The following RORA variants were observed in gnomAD, a reference collection of about 807,000 sequenced individuals.
The protein encoded by RORA is RAR related orphan receptor A.
In RORA, 7 loss-of-function variants were observed where a neutral mutation model predicts 69.5. That is an observed-to-expected ratio of 0.10 (90% CI 0.06 to 0.19). The LOEUF (loss-of-function observed/expected upper bound fraction) is 0.19, where lower values mean the gene tolerates loss of function less well. RORA is among the 10% of genes least tolerant of loss of function. The pLI is 1.00. For missense variants in RORA, 457 were observed against 663.0 expected (o/e 0.69, Z 3.41); for synonymous variants, 261 against 240.8 (o/e 1.08, Z -0.78).
intron 1 of RORA, among the ~76,000 whole-genome samples, chr15:60,718,217 G>T (rs1236880024): frequency 2.0e-5 from 3 of 152,202 alleles, no homozygotes; most frequent in South Asian, 4.1e-4. Context: ...TCACTGGGCA[G>T]AGTTTTTATT....
rs116492594 is a variant in RORA at position 60,786,228 on chromosome 15, G to T, written c.167-107542C>A. Among the ~76,000 whole-genome samples the T allele has an allele frequency of 1.4e-3, 215 of 152,308 alleles. 1 individual carries two copies. Among genetic ancestry groups the T allele is most frequent in the African/African-American group, 5.0e-3 (208 of 41,558 alleles). ...GGATAGGATGTTCTACCTTGGACAA[G>T]CCACTAAATACATCTGTCCCTCCAT... On this transcript the variant is annotated intron_variant, in intron 1 of 10. Transcript: ENST00000335670.
intron 1 of RORA, among the ~76,000 whole-genome samples, chr15:61,013,888 A>G (rs1895183234): frequency 7.1e-6 from 1 of 141,746 alleles, no homozygotes; most frequent in African/African-American, 2.7e-5. Context: ...GGTTCACGCC[A>G]TTATCCTGCC....
chr15:60,886,971 C>G (rs1009816479), intron 1 of RORA, among the ~76,000 whole-genome samples: 6 of 152,192 alleles, frequency 3.9e-5, no homozygotes, highest in African/African-American at 1.4e-4. Flanking sequence ...AGAACAACAT[C>G]ATCTGTGACT....
rs1891207810 is a variant in RORA, at chr15:60,895,525, T to A, written c.167-216839A>T. Among the ~76,000 whole-genome samples the A allele has an allele frequency of 4.6e-5, 7 of 152,112 alleles. No individual in the cohort carries two copies. The South Asian group carries it at 1.5e-3, about 32-fold the overall frequency. On this transcript the variant is annotated intron_variant, in intron 1 of 10. Transcript: ENST00000335670. Reference sequence around the variant, plus strand: ...GTAAATGGGTTTTAGTATCGGAAAATCTTAGAAAATATACTTCTCCTGCCT... The same window carrying A: ...GTAAATGGGTTTTAGTATCGGAAAAACTTAGAAAATATACTTCTCCTGCCT...
At chr15:61,212,672 G>A (rs555367116) in intron 1 of RORA, among the ~76,000 whole-genome samples, 3 of 152,274 alleles carry the variant, frequency 2.0e-5, no homozygotes, top group East Asian at 1.9e-4. Flanking sequence ...GATTACAGGC[G>A]TGAGCCACCA....
intron 2 of RORA, among the ~76,000 whole-genome samples, chr15:60,587,000 C>A (rs2068354534): frequency 6.6e-6 from 1 of 152,160 alleles, no homozygotes; most frequent in Non-Finnish European, 1.5e-5. Flanking sequence ...ACAGCACTCA[C>A]AAGCACGAGA....
chr15:60,672,028 A>T (rs1647985), intron 2 of RORA, among the ~76,000 whole-genome samples: 28,231 of 152,114 alleles, frequency 0.19, 2,919 homozygotes, highest in African/African-American at 0.27. Context: ...TTGAGGCTGC[A>T]GTGAGCCACG....
intron 2 of RORA, among the ~76,000 whole-genome samples, chr15:60,631,242 T>C (rs2069730878): frequency 6.6e-6 from 1 of 152,192 alleles, no homozygotes; most frequent in African/African-American, 2.4e-5. Context: ...AAGCAGCCCA[T>C]CTGGGGCTAT....
rs906322084 is a variant in RORA, at chr15:61,131,733, C to T, written c.166+97320G>A. ...CAATTTGGTACAGTGGAAAAACATACTGAGCAGAAATTCCAACGTGGGCAG... is the reference window on the plus strand; with the variant it reads ...CAATTTGGTACAGTGGAAAAACATATTGAGCAGAAATTCCAACGTGGGCAG... On this transcript the variant is annotated intron_variant, in intron 1 of 10. Transcript: ENST00000335670. This position sits in a 1 kb window ranked among gnomAD's most constrained non-coding sequence, Gnocchi z 4.2. Among the ~76,000 whole-genome samples the T allele has an allele frequency of 3.3e-5, 5 of 152,200 alleles. No individual in the cohort carries two copies. Among genetic ancestry groups the T allele is most frequent in the Non-Finnish European group, 7.3e-5 (5 of 68,034 alleles).
At chr15:60,895,087 G>A (rs1891195421) in intron 1 of RORA, among the ~76,000 whole-genome samples, 2 of 152,160 alleles carry the variant, frequency 1.3e-5, no homozygotes, top group Admixed American at 1.3e-4. Context: ...ATGTCTTTAT[G>A]TAGAGAAAGT....
intron 1 of RORA, among the ~76,000 whole-genome samples, chr15:61,209,795 G>A (rs1239353540): frequency 6.6e-6 from 1 of 152,106 alleles, no homozygotes; most frequent in Non-Finnish European, 1.5e-5. Flanking sequence ...CTCGATCAGG[G>A]GTTATTCATG....
chr15:60,964,793 A>C (rs1893506019), intron 1 of RORA, among the ~76,000 whole-genome samples: 1 of 152,194 alleles, frequency 6.6e-6, no homozygotes, highest in Non-Finnish European at 1.5e-5. Flanking sequence ...AGAGCGCCAC[A>C]GTTGCTGATG....
At chr15:60,580,556 C>T (rs555346430) in intron 2 of RORA, among the ~76,000 whole-genome samples, 5 of 152,298 alleles carry the variant, frequency 3.3e-5, no homozygotes, top group African/African-American at 1.2e-4. Flanking sequence ...AGAGACCAAT[C>T]GCTCCTGTGA....
At chr15:60,949,936 G>A (rs889359460) in intron 1 of RORA, among the ~76,000 whole-genome samples, 12 of 152,142 alleles carry the variant, frequency 7.9e-5, no homozygotes, top group Admixed American at 6.5e-5. Flanking sequence ...ATCTTAAAGA[G>A]TCACTGGACA....
chr15:60,706,907 C>T (rs2071070321), intron 1 of RORA, among the ~76,000 whole-genome samples: 1 of 152,162 alleles, frequency 6.6e-6, no homozygotes, highest in South Asian at 2.1e-4. Context: ...AACTAGTTGC[C>T]TCTGATGTGA....
chr15:60,876,400 T>C (rs758843109), intron 1 of RORA, among the ~76,000 whole-genome samples: 3 of 151,016 alleles, frequency 2.0e-5, no homozygotes, highest in African/African-American at 7.3e-5. Flanking sequence ...ACTTGAGACA[T>C]CTGGGCCATA....
intron 1 of RORA, among the ~76,000 whole-genome samples, chr15:61,005,497 G>C (rs1254546687): frequency 6.6e-6 from 1 of 151,822 alleles, no homozygotes; most frequent in Non-Finnish European, 1.5e-5. Context: ...AAAAACAAAA[G>C]TTATGCTTAC....
intron 1 of RORA, among the ~76,000 whole-genome samples, chr15:61,200,509 T>C (rs938428554): frequency 6.6e-6 from 1 of 152,058 alleles, no homozygotes; most frequent in Non-Finnish European, 1.5e-5. Context: ...GACACCAAAA[T>C]AGAGGCCCTA....
intron 1 of RORA, among the ~76,000 whole-genome samples, chr15:61,110,010 T>C (rs1019589969): frequency 6.6e-6 from 1 of 151,590 alleles, no homozygotes; most frequent in African/African-American, 2.4e-5. Flanking sequence ...TGCCTAGTGA[T>C]GTAGCCATCA....
Sources: allele counts gnomAD v4.1 joint callset (sites outside exome capture counted in the v4.1 genomes callset), GRCh38; gene constraint gnomAD v4.1.1; non-coding constraint Gnocchi (gnomAD v3.1); transcripts MANE v1.5; gene names NCBI Gene and HGNC (gene_info 2026-07-23, HGNC 2026-07-21).